The following SIK3 variants were observed in gnomAD, a reference collection of about 807,000 sequenced individuals.
SIK3 encodes serine/threonine-protein kinase SIK3.
Under a neutral mutation model 144.2 loss-of-function variants are expected in SIK3, and 28 were observed. That is an observed-to-expected ratio of 0.19 (90% CI 0.14 to 0.27). SIK3 has a LOEUF of 0.27. Ranked by LOEUF, SIK3 falls within the 10% of genes least tolerant of loss-of-function variation. The pLI is 1.00. For synonymous variants in SIK3, 686 were observed against 676.3 expected, an observed-to-expected ratio of 1.01 and a Z score of -0.22; for missense variants, 1,319 against 1,776.0, an observed-to-expected ratio of 0.74 and a Z score of 4.62.
At chr11:117,063,857 C>T (rs1236048111) in intron 1 of SIK3, among the ~76,000 whole-genome samples, 5 of 152,074 alleles carry the variant, frequency 3.3e-5, no homozygotes, top group East Asian at 3.9e-4. Flanking sequence ...TGAGCCACCA[C>T]GCCTGGCCTG....
chr11:116,880,688 C>T (rs999470961), intron 6 of SIK3, among the ~76,000 whole-genome samples: 3 of 152,044 alleles, frequency 2.0e-5, no homozygotes, highest in Admixed American at 6.6e-5. Flanking sequence ...AGGGTGAAAA[C>T]GAGGGGAATA....
intron 1 of SIK3, among the ~76,000 whole-genome samples, chr11:117,076,183 G>A (rs1339087185): frequency 6.6e-6 from 1 of 151,922 alleles, no homozygotes; most frequent in Non-Finnish European, 1.5e-5. Flanking sequence ...CCGTTGCAGG[G>A]TTCCATCACA....
intron 1 of SIK3, among the ~76,000 whole-genome samples, chr11:117,027,605 C>T (rs998504991): frequency 3.3e-5 from 5 of 151,816 alleles, no homozygotes; most frequent in East Asian, 1.9e-4. Flanking sequence ...TGGGATTACA[C>T]GCGCCCGCCA....
chr11:117,012,886 C>T (rs552491225), intron 1 of SIK3, among the ~76,000 whole-genome samples: 1 of 121,126 alleles, frequency 8.3e-6, no homozygotes, highest in South Asian at 2.7e-4. Context: ...GAGTCTCGCT[C>T]TGTTGCCCAG....
Position 116,846,093 on chromosome 11 carries a change from C to A in SIK3, c.*13+290G>T. Among the ~76,000 whole-genome samples, 1 of 152,230 alleles carries A rather than the reference C, an allele frequency of 6.6e-6. No homozygotes were observed. Among genetic ancestry groups the A allele is most frequent in the African/African-American group, 2.4e-5 (1 of 41,442 alleles). ...CTCTGGAGCCGTAGCTCACTTCTGT[C>A]GCTATGAAGGCTAGAGCACCTGTAA... is the stretch of plus-strand genomic sequence containing the variant. On this transcript the variant is annotated intron_variant, in intron 24 of 24. Transcript: ENST00000445177. This position sits in a 1 kb window ranked among gnomAD's most constrained non-coding sequence, Gnocchi z 4.1.
intron 1 of SIK3, among the ~76,000 whole-genome samples, chr11:117,069,872 T>C (rs1954188861): frequency 6.6e-6 from 1 of 152,212 alleles, no homozygotes; most frequent in African/African-American, 2.4e-5. Flanking sequence ...CATCATAAAA[T>C]GTAAATAATG....
Position 116,843,548 on chromosome 11 carries a change from A to G in SIK3, c.*2095T>C, listed in dbSNP as rs1941693934. 6.6e-6 allele frequency: 1 copy of G among 152,228 alleles called. No individual in the cohort carries two copies. The highest frequency in any genetic ancestry group is 2.1e-4 in the South Asian group (1 of 4,826). The allele number at this position is 152,228 out of a possible 1,614,324, so 9.4% of individuals were successfully genotyped here. ...TCAACGTATACTGCACATATTGGTTACTACAATACAAAGCAATGAGTTTTT... is the reference window on the plus strand; with the variant it reads ...TCAACGTATACTGCACATATTGGTTGCTACAATACAAAGCAATGAGTTTTT... On this transcript the variant is annotated 3_prime_UTR_variant, in exon 25 of 25. Transcript: ENST00000445177.
At position 116,873,463 on chromosome 11, in the gene SIK3, C is replaced by G. The variant is rs1233878846; in HGVS notation, c.1737+18G>C. 6.2e-7 allele frequency: 1 copy of G among 1,614,162 alleles called. No individual in the cohort carries two copies. The highest frequency in any genetic ancestry group is 1.7e-5 in the Admixed American group (1 of 60,032). ...AAAGCCTCTGAGACAGTGAATTGGG[C>G]TCTGTGCTGCTACTCACTGGTGTCA... is the stretch of plus-strand genomic sequence containing the variant. On this transcript the variant is annotated intron_variant, in intron 13 of 24. Transcript: ENST00000445177.
chr11:116,967,772 T>A (rs759978292), intron 1 of SIK3, among the ~76,000 whole-genome samples: 7 of 152,208 alleles, frequency 4.6e-5, no homozygotes, highest in Non-Finnish European at 1.0e-4. Context: ...CTTGTCTGGA[T>A]GTTTATGATA....
intron 6 of SIK3, among the ~76,000 whole-genome samples, chr11:116,895,532 G>T (rs1945353239): frequency 6.6e-6 from 1 of 152,094 alleles, no homozygotes; most frequent in Non-Finnish European, 1.5e-5. Context: ...TCAACCCAGT[G>T]GACACATGTT....
intron 19 of SIK3, among the ~76,000 whole-genome samples, chr11:116,860,671 A>G (rs1022991319): frequency 2.0e-5 from 3 of 152,200 alleles, no homozygotes; most frequent in Non-Finnish European, 2.9e-5. Context: ...TGTTTTACGT[A>G]TATCTACATA....
intron 4 of SIK3, among the ~76,000 whole-genome samples, chr11:116,922,731 G>A (rs541222963): frequency 6.5e-4 from 98 of 150,690 alleles, no homozygotes; most frequent in Non-Finnish European, 1.3e-3. Flanking sequence ...TCTTCTACAC[G>A]AAACTGGATG....
chr11:116,855,083 CAAAAAAAAAA>C lies in SIK3; in HGVS notation c.3655+2717_3655+2726del, dbSNP rs528405922. Among the ~76,000 whole-genome samples the C allele has an allele frequency of 4.1e-3, 340 of 82,090 alleles. 5 individuals carry two copies. The highest frequency in any genetic ancestry group is 0.014 in the African/African-American group (199 of 13,894). 53.9% of individuals were successfully genotyped at this position (82,090 alleles called of 152,430 possible). A position where few individuals can be genotyped will look rare whatever the true frequency, so the allele number is the denominator to read the frequency against. ...CATGGGTGACAGTGTGAGACTCTGCCAAAAAAAAAAAAAAAAAAAAAAAAAACTTGAGTTT... is the reference window on the plus strand; with the variant it reads ...CATGGGTGACAGTGTGAGACTCTGCCAAAAAAAAAAAAAAAACTTGAGTTT... On this transcript the variant is annotated intron_variant, in intron 21 of 24. Transcript: ENST00000445177.
At chr11:117,007,920 CT>C (rs1275740760) in intron 1 of SIK3, among the ~76,000 whole-genome samples, 1 of 151,682 alleles carries the variant, frequency 6.6e-6, no homozygotes, top group African/African-American at 2.4e-5. Flanking sequence ...CCCATCTCTA[CT>C]AAAAATACAA....
intron 1 of SIK3, among the ~76,000 whole-genome samples, chr11:117,080,899 G>A (rs7121475): frequency 0.056 from 8,519 of 152,174 alleles, 523 homozygotes; most frequent in African/African-American, 0.15. Context: ...AGTGAGCCAA[G>A]ATCATGCCAT....
At chr11:117,047,275 A>C (rs1953011993) in intron 1 of SIK3, among the ~76,000 whole-genome samples, 1 of 152,210 alleles carries the variant, frequency 6.6e-6, no homozygotes, top group South Asian at 2.1e-4. Context: ...AGATACCTTG[A>C]TAAAAGGAAG....
intron 1 of SIK3, among the ~76,000 whole-genome samples, chr11:116,998,914 A>C (rs1014794559): frequency 5.3e-5 from 8 of 152,374 alleles, no homozygotes; most frequent in African/African-American, 1.7e-4. Context: ...CAAAAAGCTT[A>C]ATCAAACTAA....
chr11:116,929,756 T>C (rs1947495303), intron 3 of SIK3, among the ~76,000 whole-genome samples: 1 of 152,238 alleles, frequency 6.6e-6, no homozygotes, highest in Admixed American at 6.5e-5. Flanking sequence ...GTATCATACG[T>C]TAAAACTTTC....
chr11:116,861,521 A>G, intron 18 of SIK3, 138 bp from the exon 19 acceptor site: 2 of 657,776 alleles, frequency 3.0e-6, no homozygotes. Context: ...AATATACATA[A>G]GCCATCCACC....
Sources: gnomAD v4.1 joint callset for allele counts (sites outside exome capture counted in the v4.1 genomes callset) on GRCh38, gnomAD v4.1.1 for gene constraint, Gnocchi (gnomAD v3.1) non-coding constraint, MANE v1.5 for transcripts, NCBI Gene and HGNC (gene_info 2026-07-23, HGNC 2026-07-21) for gene names.